The following RBM19 variants were observed in gnomAD, a reference collection of about 807,000 sequenced individuals.
The protein encoded by RBM19 is RNA binding motif protein 19.
RBM19 carries 94 observed loss-of-function variants against 116.8 expected under a neutral mutation model. The ratio of observed to expected loss-of-function variants is 0.80; its 90% confidence interval spans 0.68 to 0.95. The LOEUF (loss-of-function observed/expected upper bound fraction) is 0.95. Ranked by LOEUF, RBM19 falls within the 40% of genes least tolerant of loss-of-function variation. The pLI, the probability that RBM19 is intolerant of heterozygous loss-of-function variation, is 0.00. For missense variants in RBM19, 1,161 were observed against 1,220.7 expected (o/e 0.95, Z 0.73); for synonymous variants, 475 against 494.1 (o/e 0.96, Z 0.51).
At chr12:113,936,331 T>C (rs911910487) in intron 16 of RBM19, among the ~76,000 whole-genome samples, 1 of 152,228 alleles carries the variant, frequency 6.6e-6, no homozygotes, top group Non-Finnish European at 1.5e-5. Flanking sequence ...CCTTAGACTA[T>C]GAGGTCCTCG....
At position 113,940,073 on chromosome 12, in the gene RBM19, G is replaced by A. The variant is rs1464957866; in HGVS notation, c.1825C>T (p.His609Tyr). The A allele has an allele frequency of 1.2e-6, 2 of 1,613,944 alleles. No individual in the cohort carries two copies. Among genetic ancestry groups the A allele is most frequent in the African/African-American group, 2.7e-5 (2 of 74,940 alleles). Residue 609 changes from histidine (H) to tyrosine (Y), a missense_variant, in exon 15 of 24, where the codon CAT becomes TAT. His to Tyr is a moderately conservative substitution (Grantham distance 83). Transcript: ENST00000261741. ...AGCACGCGGCCCAGGCTGCCAAAAT[G>A]GCCGAAGGTCTCCTGCAGCTGGGCC... is the stretch of plus-strand genomic sequence containing the variant. ...LAAQLQETFGHFGSLGRVLLP... is the reference protein window; with the variant it reads ...LAAQLQETFGYFGSLGRVLLP...
intron 23 of RBM19, among the ~76,000 whole-genome samples, chr12:113,831,648 G>A (rs1875423409): frequency 6.6e-6 from 1 of 152,238 alleles, no homozygotes; most frequent in Non-Finnish European, 1.5e-5. Flanking sequence ...TGCTGGCGAC[G>A]GCTGAGTGAA....
intron 23 of RBM19, among the ~76,000 whole-genome samples, chr12:113,827,373 G>C (rs540435935): frequency 8.8e-4 from 133 of 151,902 alleles, no homozygotes; most frequent in East Asian, 6.8e-3. Flanking sequence ...TTGCATTTCT[G>C]GAGTTCCCAC....
intron 21 of RBM19, among the ~76,000 whole-genome samples, chr12:113,867,592 T>C (rs1318717795): frequency 6.6e-6 from 1 of 152,242 alleles, no homozygotes; most frequent in Non-Finnish European, 1.5e-5. Flanking sequence ...TATGTACTGC[T>C]ATTTCATTCT....
At chr12:113,844,998 T>G (rs1310978814) in intron 22 of RBM19, among the ~76,000 whole-genome samples, 1 of 152,184 alleles carries the variant, frequency 6.6e-6, no homozygotes, top group African/African-American at 2.4e-5. Context: ...TGCAAGTGAC[T>G]GAGCAGTCAA....
At chr12:113,909,657 C>CT (rs1882304347) in intron 21 of RBM19, among the ~76,000 whole-genome samples, 5 of 152,238 alleles carry the variant, frequency 3.3e-5, no homozygotes, top group Middle Eastern at 3.4e-3. Context: ...ACAGCGGAAG[C>CT]TCACAGGTGG....
intron 23 of RBM19, among the ~76,000 whole-genome samples, chr12:113,843,977 C>T (rs1285957896): frequency 6.6e-6 from 1 of 152,246 alleles, no homozygotes; most frequent in Non-Finnish European, 1.5e-5. Flanking sequence ...GATGTCACCT[C>T]TGCAGTGAAG....
intron 21 of RBM19, among the ~76,000 whole-genome samples, chr12:113,880,623 C>T (rs990971298): frequency 2.0e-5 from 3 of 152,130 alleles, no homozygotes; most frequent in Admixed American, 1.3e-4. Context: ...GACACTCCCC[C>T]TGCCTTGGTC....
intron 22 of RBM19, among the ~76,000 whole-genome samples, chr12:113,856,876 T>C (rs1784202311): frequency 6.6e-6 from 1 of 152,170 alleles, no homozygotes; most frequent in African/African-American, 2.4e-5. Flanking sequence ...GAAAACCCTG[T>C]GACCATTTTA....
intron 22 of RBM19, among the ~76,000 whole-genome samples, chr12:113,857,893 G>A (rs1390971693): frequency 2.6e-5 from 4 of 152,248 alleles, no homozygotes; most frequent in African/African-American, 9.6e-5. Context: ...CTGTTCTTCT[G>A]AGGAGCAGCT....
rs772545300 is a variant in RBM19, at chr12:113,957,957, G to A, written c.665C>T (p.Ser222Phe). Residue 222 changes from serine to phenylalanine, a missense_variant, in exon 6 of 24, where the codon TCT becomes TTT. Coordinates refer to ENST00000261741, the MANE Select transcript of RBM19 (RefSeq NM_016196.4). ...TTCACTTTCCTCTTCCTCCGAGGAA[G>A]AGGACGACCCAGCCTTCACCATCTT... ...KSKMVKAGSSSSSEEEESEDE... is the reference protein window; with the variant it reads ...KSKMVKAGSSFSSEEEESEDE... 1 of 1,614,146 alleles carries A rather than the reference G, an allele frequency of 6.2e-7. No individual in the cohort carries two copies. The highest frequency in any genetic ancestry group is 8.5e-7 in the Non-Finnish European group (1 of 1,179,976).
chr12:113,856,611 C>T (rs1229170392), intron 22 of RBM19, among the ~76,000 whole-genome samples: 2 of 152,190 alleles, frequency 1.3e-5, no homozygotes, highest in African/African-American at 2.4e-5. Flanking sequence ...CAGCAGTGAG[C>T]GTTTCCTGGA....
chr12:113,936,203 T>C (rs78695233), intron 16 of RBM19, among the ~76,000 whole-genome samples: 6,363 of 152,220 alleles, frequency 0.042, 333 homozygotes, highest in Admixed American at 0.15. Flanking sequence ...GTTAAACAAC[T>C]GGTTGCTGTA....
At chr12:113,945,748 A>G in intron 13 of RBM19, 80 bp downstream of exon 13, 1 of 1,218,382 alleles carries the variant, frequency 8.2e-7, no homozygotes, top group Non-Finnish European at 1.2e-6. Context: ...CACAGCCAAC[A>G]GCAGTACAAC....
rs144902333 is a variant in RBM19 at position 113,950,102 on chromosome 12, T to A, written c.1053A>T (p.Lys351Asn). The change falls in exon 9 of 24, where the codon AAA becomes AAT. Residue 351 changes from lysine to asparagine, a missense_variant. Physicochemically the swap from Lys to Asn is moderately conservative, Grantham distance 94 (BLOSUM62 0). Transcript: ENST00000261741. The stretch of plus-strand genomic sequence containing the variant: ...CCTTACCCATGTACTCCCGGTTGCA[T>A]TTCAGAGCTTGCTTCACTTCCTCTT... ...SNEEEVKQAL[K>N]CNREYMGGRY... 4,020 of 1,610,542 alleles carry A rather than the reference T, an allele frequency of 2.5e-3. 9 individuals are homozygous for A. Among genetic ancestry groups the A allele is most frequent in the Non-Finnish European group, 3.1e-3 (3,592 of 1,176,862 alleles).
intron 1 of RBM19, among the ~76,000 whole-genome samples, chr12:113,963,209 C>T (rs983278957): frequency 2.0e-5 from 3 of 152,320 alleles, no homozygotes; most frequent in East Asian, 1.9e-4. Context: ...GTTTAAGCCA[C>T]TAAGTTTGTG....
intron 13 of RBM19, 92 bp from the exon 14 acceptor site, chr12:113,942,526 G>A: frequency 1.0e-6 from 1 of 981,980 alleles, no homozygotes; most frequent in Non-Finnish European, 1.5e-6. Flanking sequence ...AGGAGGCTGG[G>A]ATGGAAATGG....
intron 23 of RBM19, among the ~76,000 whole-genome samples, chr12:113,837,697 G>A (rs1467694323): frequency 1.3e-5 from 2 of 152,240 alleles, no homozygotes; most frequent in Non-Finnish European, 2.9e-5. Flanking sequence ...ACAGCAGGAT[G>A]GTGGAAAACA....
At chr12:113,817,161 G>A (rs1874089423), downstream of RBM19, 1 of 152,300 alleles carries the variant, frequency 6.6e-6, no homozygotes, top group Non-Finnish European at 1.5e-5. Flanking sequence ...GCAGGAAAAG[G>A]AGAGGAGGAA....
Sources: gnomAD v4.1 joint callset for allele counts (sites outside exome capture counted in the v4.1 genomes callset) on GRCh38, gnomAD v4.1.1 for gene constraint, MANE v1.5 for transcripts, NCBI Gene and HGNC (gene_info 2026-07-23, HGNC 2026-07-21) for gene names.